Variants in IQCM observed in about 807,000 individuals in gnomAD.
The protein encoded by IQCM is IQ motif containing M.
IQCM carries 45 observed loss-of-function variants against 57.6 expected under a neutral mutation model. That is an observed-to-expected ratio of 0.78 (90% CI 0.62 to 1.00). IQCM has a LOEUF of 1.00. Ranked by LOEUF, IQCM falls within the 50% of genes least tolerant of loss-of-function variation. The pLI, the probability that IQCM is intolerant of heterozygous loss-of-function variation, is 0.00. For synonymous variants in IQCM, 148 were observed against 158.9 expected (o/e 0.93, Z 0.51); for missense variants, 468 against 511.6 (o/e 0.91, Z 0.82).
chr4:149,581,421 T>A (rs943186815), intron 9 of IQCM, among the ~76,000 whole-genome samples: 2 of 151,618 alleles, frequency 1.3e-5, no homozygotes, highest in Non-Finnish European at 2.9e-5. Flanking sequence ...TACAGGTCTA[T>A]CTCCCTTCTA....
chr4:149,740,267 A>C (rs1767336095), intron 3 of IQCM, among the ~76,000 whole-genome samples: 1 of 152,162 alleles, frequency 6.6e-6, no homozygotes, highest in African/African-American at 2.4e-5. Context: ...GGTGTAACAA[A>C]AGCCCCACCT....
intron 2 of IQCM, among the ~76,000 whole-genome samples, chr4:149,767,947 G>C (rs2149980333): frequency 6.6e-6 from 1 of 151,938 alleles, no homozygotes; most frequent in African/African-American, 2.4e-5. Flanking sequence ...CTGTTTTATG[G>C]TTTACAGTAT....
intron 12 of IQCM, among the ~76,000 whole-genome samples, chr4:149,482,963 C>T (rs1288604843): frequency 6.6e-6 from 1 of 151,634 alleles, no homozygotes; most frequent in East Asian, 1.9e-4. Flanking sequence ...TTGGTCTGTT[C>T]AGGTATTGAA....
intron 9 of IQCM, among the ~76,000 whole-genome samples, chr4:149,581,215 G>C (rs1394040472): frequency 6.6e-6 from 1 of 151,386 alleles, no homozygotes; most frequent in Non-Finnish European, 1.5e-5. Flanking sequence ...AATGTGACAA[G>C]AAGCTAAGTC....
At chr4:149,526,607 A>G (rs1009967068) in intron 12 of IQCM, among the ~76,000 whole-genome samples, 3 of 152,082 alleles carry the variant, frequency 2.0e-5, no homozygotes, top group Non-Finnish European at 4.4e-5. Flanking sequence ...CTGTGCAATC[A>G]TCATGACAGA....
chr4:149,402,336 G>T (rs899152911), intron 13 of IQCM, among the ~76,000 whole-genome samples: 1 of 151,418 alleles, frequency 6.6e-6, no homozygotes, highest in Non-Finnish European at 1.5e-5. Flanking sequence ...GGGGCCTAAG[G>T]TCACAAAATA....
intron 8 of IQCM, among the ~76,000 whole-genome samples, chr4:149,610,066 T>C (rs558919347): frequency 1.3e-5 from 2 of 152,024 alleles, no homozygotes; most frequent in East Asian, 1.9e-4. Context: ...CGAAAATCAG[T>C]AGCATGTTTA....
intron 12 of IQCM, among the ~76,000 whole-genome samples, chr4:149,466,782 C>G (rs1206565237): frequency 6.6e-6 from 1 of 152,162 alleles, no homozygotes. Context: ...ACAAAATTTA[C>G]TTCCCAGAAT....
intron 7 of IQCM, among the ~76,000 whole-genome samples, chr4:149,646,333 A>G (rs1048998432): frequency 1.3e-5 from 2 of 151,196 alleles, no homozygotes; most frequent in African/African-American, 4.8e-5. Context: ...ATGAGATTAG[A>G]GTTATTTATT....
At chr4:149,518,919 T>TA (rs1423733911) in intron 12 of IQCM, among the ~76,000 whole-genome samples, 1 of 151,954 alleles carries the variant, frequency 6.6e-6, no homozygotes, top group Non-Finnish European at 1.5e-5. Context: ...AGGGAAGAGG[T>TA]AAAAAGGAAA....
intron 13 of IQCM, among the ~76,000 whole-genome samples, chr4:149,397,700 G>A (rs1179462184): frequency 1.3e-5 from 2 of 151,862 alleles, no homozygotes; most frequent in East Asian, 3.9e-4. Flanking sequence ...CAATTTTTTA[G>A]TCTTTTTTGG....
intron 8 of IQCM, among the ~76,000 whole-genome samples, chr4:149,592,419 C>G (rs1045948613): frequency 6.6e-6 from 1 of 152,080 alleles, no homozygotes. Flanking sequence ...TCTGTTCACT[C>G]TGATGGTAGT....
At chr4:149,657,762 C>A (rs959054374) in intron 7 of IQCM, among the ~76,000 whole-genome samples, 6 of 151,816 alleles carry the variant, frequency 4.0e-5, no homozygotes, top group African/African-American at 1.5e-4. Context: ...CGATTAGTCA[C>A]GAGCATTTTT....
intron 5 of IQCM, among the ~76,000 whole-genome samples, chr4:149,698,070 G>T (rs1433810146): frequency 6.6e-6 from 1 of 151,932 alleles, no homozygotes; most frequent in Non-Finnish European, 1.5e-5. Flanking sequence ...AGACATCTGT[G>T]CTAGACGGGT....
chr4:149,651,400 C>T (rs1191776300), intron 7 of IQCM, among the ~76,000 whole-genome samples: 2 of 152,052 alleles, frequency 1.3e-5, no homozygotes, highest in East Asian at 3.9e-4. Context: ...GTGAGTTGCC[C>T]TTCAGTGTGG....
Position 149,568,792 on chromosome 4 carries a change from C to T in IQCM, c.750-4902G>A, listed in dbSNP as rs931285885. On this transcript the variant is annotated intron_variant, in intron 9 of 13. Coordinates refer to ENST00000636793, the MANE Select transcript of IQCM (RefSeq NM_001363507.2). Reference sequence around the variant, plus strand: ...GACCCTATCTCAAAATACACATGTACATATATATTTTTACATTAACATAAA... The same window carrying T: ...GACCCTATCTCAAAATACACATGTATATATATATTTTTACATTAACATAAA... 3.9e-5 allele frequency among the ~76,000 whole-genome samples: 6 copies of T among 152,206 alleles called. No homozygotes were observed. In the South Asian group the frequency reaches 6.2e-4, roughly 16 times the overall value.
chr4:149,731,308 C>T (rs910618933), intron 5 of IQCM, among the ~76,000 whole-genome samples: 6 of 152,082 alleles, frequency 3.9e-5, no homozygotes, highest in Non-Finnish European at 7.4e-5. Context: ...TCCCTTCCAC[C>T]ATGTGAAGAC....
At chr4:149,515,312 A>G (rs1744843305) in intron 12 of IQCM, among the ~76,000 whole-genome samples, 1 of 152,052 alleles carries the variant, frequency 6.6e-6, no homozygotes, top group Non-Finnish European at 1.5e-5. Flanking sequence ...GTGCTTTCAG[A>G]CCCATCTAGA....
chr4:149,770,370 A>C (rs1770459550), intron 2 of IQCM, among the ~76,000 whole-genome samples: 1 of 152,096 alleles, frequency 6.6e-6, no homozygotes, highest in South Asian at 2.1e-4. Flanking sequence ...GATTTTAAGA[A>C]AGTTGTAATA....
Sources: allele counts gnomAD v4.1 joint callset (sites outside exome capture counted in the v4.1 genomes callset), GRCh38; gene constraint gnomAD v4.1.1; transcripts MANE v1.5; gene names NCBI Gene and HGNC (gene_info 2026-07-23, HGNC 2026-07-21).